Variants in ADAMTSL3 observed in about 807,000 individuals in gnomAD.
The protein encoded by ADAMTSL3 is ADAMTS like 3.
A neutral mutation model predicts 201.7 loss-of-function variants in ADAMTSL3; 128 were observed. That is an observed-to-expected ratio of 0.63 (90% CI 0.55 to 0.73). The LOEUF (loss-of-function observed/expected upper bound fraction) is 0.73, where lower values mean the gene tolerates loss of function less well. Among genes scored for constraint, ADAMTSL3 ranks in the 30% least tolerant of loss-of-function variants. The pLI is 0.00. For missense variants in ADAMTSL3, 1,990 were observed against 2,119.6 expected, an observed-to-expected ratio of 0.94 and a Z score of 1.20; for synonymous variants, 738 against 748.4, an observed-to-expected ratio of 0.99 and a Z score of 0.23.
intron 3 of ADAMTSL3, among the ~76,000 whole-genome samples, chr15:83,731,828 G>A (rs2062279412): frequency 6.6e-6 from 1 of 151,940 alleles, no homozygotes; most frequent in African/African-American, 2.4e-5. Flanking sequence ...AGTGGAATAA[G>A]CCAGACACAG....
intron 2 of ADAMTSL3, among the ~76,000 whole-genome samples, chr15:83,662,900 C>G (rs1021532616): frequency 6.6e-6 from 1 of 152,224 alleles, no homozygotes; most frequent in African/African-American, 2.4e-5. Flanking sequence ...CACTGCCACT[C>G]CAGCTCTCCC....
intron 16 of ADAMTSL3, among the ~76,000 whole-genome samples, chr15:83,923,150 A>G (rs2066179330): frequency 6.6e-6 from 1 of 152,170 alleles, no homozygotes; most frequent in African/African-American, 2.4e-5. Context: ...TCCCTAGAGT[A>G]TGTACAAAAG....
rs184163897 is a variant in ADAMTSL3, at chr15:84,038,874, G to C, written c.*1068G>C. On this transcript the variant is annotated 3_prime_UTR_variant, in exon 30 of 30. Transcript: ENST00000286744. ...AGGGTTAGTTTCAGTTTTAGGATTA[G>C]AGCTAGAATTGGGTTAGGTGAGAAA... 22 of 152,314 alleles carry C rather than the reference G, an allele frequency of 1.4e-4. No homozygotes were observed. Among genetic ancestry groups the C allele is most frequent in the African/African-American group, 4.8e-4 (20 of 41,560 alleles). 9.4% of individuals were successfully genotyped at this position (152,314 alleles called of 1,614,324 possible). A position where few individuals can be genotyped will look rare whatever the true frequency, so the allele number is the denominator to read the frequency against.
At chr15:83,961,859 A>G (rs1387127612) in intron 19 of ADAMTSL3, 1 of 152,262 alleles carries the variant, frequency 6.6e-6, no homozygotes, top group Non-Finnish European at 1.5e-5. Context: ...ACTAACAATT[A>G]TATTATAGAA....
At position 83,991,120 on chromosome 15, in the gene ADAMTSL3, C is replaced by T; in HGVS notation, c.3879C>T (p.Ile1293=). The T allele has an allele frequency of 6.2e-7, 1 of 1,614,192 alleles. No homozygotes were observed. The highest frequency in any genetic ancestry group is 8.5e-7 in the Non-Finnish European group (1 of 1,180,028). The change falls in exon 23 of 30, where the codon ATC becomes ATT. Residue 1293 remains isoleucine, a synonymous_variant. Coordinates refer to ENST00000286744, the MANE Select transcript of ADAMTSL3 (RefSeq NM_207517.3). ...TCATCTTGTCTGTTGAAAGAAATATCACCAAACCAGAGCACAACCATCTGT... is the reference window on the plus strand; with the variant it reads ...TCATCTTGTCTGTTGAAAGAAATATTACCAAACCAGAGCACAACCATCTGT... ...APVILSVERN[I]TKPEHNHLSV...
chr15:83,829,690 T>C (rs2064111426), intron 6 of ADAMTSL3, among the ~76,000 whole-genome samples: 1 of 152,222 alleles, frequency 6.6e-6, no homozygotes, highest in South Asian at 2.1e-4. Context: ...CTCTACACAC[T>C]GCTTTAAATG....
chr15:83,936,623 G>GC (rs1485650627), intron 17 of ADAMTSL3, among the ~76,000 whole-genome samples: 1 of 150,778 alleles, frequency 6.6e-6, no homozygotes, highest in Non-Finnish European at 1.5e-5. Context: ...TCATGACAAA[G>GC]ATGCCAAAAG....
At chr15:83,884,619 A>G (rs985114489) in intron 9 of ADAMTSL3, among the ~76,000 whole-genome samples, 2 of 152,016 alleles carry the variant, frequency 1.3e-5, no homozygotes, top group Admixed American at 1.3e-4. Context: ...AACACCATAT[A>G]TTTGTACACT....
At chr15:84,031,534 C>T in intron 28 of ADAMTSL3, 102 bp downstream of exon 28, 1 of 1,017,924 alleles carries the variant, frequency 9.8e-7, no homozygotes, top group Admixed American at 1.9e-5. Flanking sequence ...TCTACCAACT[C>T]TCATAATTGA....
intron 5 of ADAMTSL3, among the ~76,000 whole-genome samples, chr15:83,806,782 G>A (rs1205432097): frequency 6.6e-6 from 1 of 152,122 alleles, no homozygotes; most frequent in East Asian, 1.9e-4. Flanking sequence ...GAACCTGAGA[G>A]GTGGAGGTTG....
chr15:83,702,199 A>G (rs2061787569), intron 2 of ADAMTSL3, among the ~76,000 whole-genome samples: 1 of 152,228 alleles, frequency 6.6e-6, no homozygotes, highest in African/African-American at 2.4e-5. Context: ...AGAAATTTCT[A>G]AGCAGCAAAG....
At chr15:83,998,282 C>T (rs946698539) in intron 23 of ADAMTSL3, among the ~76,000 whole-genome samples, 7 of 152,048 alleles carry the variant, frequency 4.6e-5, no homozygotes, top group Non-Finnish European at 1.5e-5. Context: ...AACCGTGTCT[C>T]CACTAAAAAT....
chr15:83,800,271 C>T (rs113719588), intron 4 of ADAMTSL3, among the ~76,000 whole-genome samples: 1 of 152,112 alleles, frequency 6.6e-6, no homozygotes, highest in African/African-American at 2.4e-5. Context: ...TTTGAAAATT[C>T]GTGACATAAA....
At chr15:83,917,509 C>T (rs2066058585) in intron 16 of ADAMTSL3, among the ~76,000 whole-genome samples, 1 of 151,954 alleles carries the variant, frequency 6.6e-6, no homozygotes, top group South Asian at 2.1e-4. Flanking sequence ...GTAGATACAT[C>T]ATGTGTGTGC....
intron 2 of ADAMTSL3, among the ~76,000 whole-genome samples, chr15:83,689,594 G>A (rs1214513745): frequency 6.6e-6 from 1 of 152,144 alleles, no homozygotes; most frequent in African/African-American, 2.4e-5. Flanking sequence ...GTATTCCAGT[G>A]TATAAATACA....
chr15:83,955,603 G>C (rs773136075), intron 19 of ADAMTSL3, among the ~76,000 whole-genome samples: 3 of 151,996 alleles, frequency 2.0e-5, no homozygotes, highest in Non-Finnish European at 4.4e-5. Context: ...GTTATTCAGG[G>C]CCCAAGGGCT....
intron 9 of ADAMTSL3, among the ~76,000 whole-genome samples, chr15:83,872,658 A>G (rs533478213): frequency 2.4e-4 from 31 of 130,774 alleles, no homozygotes; most frequent in African/African-American, 8.2e-4. Context: ...ATTACTACTC[A>G]GAGAATCTGT....
intron 2 of ADAMTSL3, among the ~76,000 whole-genome samples, chr15:83,698,920 A>T (rs2061726515): frequency 6.6e-6 from 1 of 151,842 alleles, no homozygotes; most frequent in South Asian, 2.1e-4. Flanking sequence ...CCCATGACCT[A>T]ATATAGGGTG....
chr15:83,943,436 A>G (rs1394210053), intron 19 of ADAMTSL3, among the ~76,000 whole-genome samples: 1 of 152,196 alleles, frequency 6.6e-6, no homozygotes, highest in African/African-American at 2.4e-5. Context: ...ATCATTCATT[A>G]AGCCCCGTCA....
Sources: allele counts gnomAD v4.1 joint callset (sites outside exome capture counted in the v4.1 genomes callset), GRCh38; gene constraint gnomAD v4.1.1; transcripts MANE v1.5; gene names NCBI Gene and HGNC (gene_info 2026-07-23, HGNC 2026-07-21).